Variants in MCU observed in about 807,000 individuals in gnomAD.
MCU encodes mitochondrial calcium uniporter.
In MCU, 12 loss-of-function variants were observed where a neutral mutation model predicts 45.2. The ratio of observed to expected loss-of-function variants is 0.27; its 90% CI spans 0.17 to 0.43. The LOEUF (loss-of-function observed/expected upper bound fraction) is 0.43, where lower values mean the gene tolerates loss of function less well. Ranked by LOEUF, MCU falls within the 20% of genes least tolerant of loss-of-function variation. MCU has a pLI of 1.00. For missense variants in MCU, 324 were observed against 436.7 expected (o/e 0.74, Z 2.30); for synonymous variants, 160 against 165.1 (o/e 0.97, Z 0.24).
rs145185854 is a variant in MCU at position 72,861,936 on chromosome 10, A to G, written c.496+1409A>G. On this transcript the variant is annotated intron_variant, in intron 4 of 7. Transcript: ENST00000373053. ...CCTAGCCTCTACTATGGCTCTGCAC[A>G]GTACAATGCTAAGTAGCCCTCTAAA... Among the ~76,000 whole-genome samples, 595 of 151,880 alleles carry G rather than the reference A, an allele frequency of 3.9e-3. 3 individuals are homozygous for G. Among genetic ancestry groups the G allele is most frequent in the African/African-American group, 0.014 (565 of 41,440 alleles).
At chr10:72,778,841 T>C (rs971342819) in intron 1 of MCU, among the ~76,000 whole-genome samples, 3 of 150,926 alleles carry the variant, frequency 2.0e-5, no homozygotes, top group Admixed American at 2.0e-4. Context: ...ATATGATAAA[T>C]ACTGGAAAAC....
chr10:72,873,277 C>T (rs1338911373), intron 6 of MCU, among the ~76,000 whole-genome samples: 4 of 152,022 alleles, frequency 2.6e-5, no homozygotes, highest in Non-Finnish European at 5.9e-5. Context: ...CTCGGCCTCC[C>T]AAAGTGCTGG....
intron 1 of MCU, among the ~76,000 whole-genome samples, chr10:72,798,936 C>T (rs1043123811): frequency 6.6e-6 from 1 of 151,854 alleles, no homozygotes; most frequent in Non-Finnish European, 1.5e-5. Flanking sequence ...CAACTTGATT[C>T]TTTTATTTTT....
intron 1 of MCU, among the ~76,000 whole-genome samples, chr10:72,711,729 T>A (rs1218186852): frequency 1.4e-5 from 2 of 145,756 alleles, no homozygotes; most frequent in Non-Finnish European, 3.0e-5. Context: ...TTTTTTTTTT[T>A]GAGACAGAGT....
chr10:72,837,737 G>A (rs1844974937), intron 2 of MCU, among the ~76,000 whole-genome samples: 1 of 152,108 alleles, frequency 6.6e-6, no homozygotes, highest in African/African-American at 2.4e-5. Flanking sequence ...AAAGCCTCCA[G>A]GGGTTTCCCT....
chr10:72,692,350 G>T (rs1842633626), intron 1 of MCU, 49 bp downstream of exon 1: 1 of 1,178,818 alleles, frequency 8.5e-7, no homozygotes, highest in Non-Finnish European at 1.0e-6. Flanking sequence ...CGGCGCTGGC[G>T]TGTGGGAGCC....
chr10:72,693,816 A>G (rs954967215), intron 1 of MCU, among the ~76,000 whole-genome samples: 3 of 152,192 alleles, frequency 2.0e-5, no homozygotes, highest in Non-Finnish European at 1.5e-5. Context: ...GGCCACCCCA[A>G]ATTTTGATTG....
At chr10:72,837,892 C>G (rs1179602568) in intron 2 of MCU, among the ~76,000 whole-genome samples, 2 of 146,120 alleles carry the variant, frequency 1.4e-5, no homozygotes, top group South Asian at 2.2e-4. Flanking sequence ...GAGTCTCACT[C>G]TGTCGCCAGG....
At chr10:72,869,277 G>A (rs1408166524) in intron 5 of MCU, among the ~76,000 whole-genome samples, 1 of 152,006 alleles carries the variant, frequency 6.6e-6, no homozygotes, top group African/African-American at 2.4e-5. Flanking sequence ...ATATTTGCAG[G>A]GGAAAAAAAC....
At chr10:72,865,826 G>T (rs1845445120) in intron 4 of MCU, among the ~76,000 whole-genome samples, 1 of 151,262 alleles carries the variant, frequency 6.6e-6, no homozygotes, top group Non-Finnish European at 1.5e-5. Context: ...GCCCAGGCTG[G>T]AGTGCAGTGG....
At chr10:72,804,555 A>G (rs1357001759) in intron 1 of MCU, among the ~76,000 whole-genome samples, 3 of 152,188 alleles carry the variant, frequency 2.0e-5, no homozygotes, top group Non-Finnish European at 4.4e-5. Flanking sequence ...TTTCTAATAT[A>G]ATTTCTTATA....
rs572705460 is a variant in MCU, at chr10:72,859,401, A to G, written c.391+54A>G. ...TCTATCCCTCATTTCACCCCACACCATTTCTAGACACATACATACACCACA... is the reference window on the plus strand; with the variant it reads ...TCTATCCCTCATTTCACCCCACACCGTTTCTAGACACATACATACACCACA... On this transcript the variant is annotated intron_variant, in intron 3 of 7. Coordinates refer to ENST00000373053, the MANE Select transcript of MCU (RefSeq NM_138357.3). 5 of 1,494,694 alleles carry G rather than the reference A, an allele frequency of 3.3e-6. No homozygotes were observed. The African/African-American group carries it at 4.2e-5, about 12-fold the overall frequency. The allele number at this position is 1,494,694 out of a possible 1,614,324, so 92.6% of individuals were successfully genotyped here.
intron 1 of MCU, among the ~76,000 whole-genome samples, chr10:72,783,997 T>A (rs1336143648): frequency 6.6e-6 from 1 of 152,212 alleles, no homozygotes; most frequent in Non-Finnish European, 1.5e-5. Context: ...CAATACCCAG[T>A]TACTTTACCT....
Position 72,834,292 on chromosome 10 carries a change from A to G in MCU, c.151-67A>G. On this transcript the variant is annotated intron_variant, in intron 1 of 7. Transcript: ENST00000373053. ...GTAATCATATGTATATATTTATTAT[A>G]TACACACACATAAGTATATGTTTGT... 2.6e-6 allele frequency: 3 copies of G among 1,151,286 alleles called. No homozygotes were observed. The South Asian group carries it at 4.1e-5, about 16-fold the overall frequency. The allele number at this position is 1,151,286 out of a possible 1,614,324, so 71.3% of individuals were successfully genotyped here.
At chr10:72,752,370 A>G (rs2045472215) in intron 1 of MCU, among the ~76,000 whole-genome samples, 1 of 152,004 alleles carries the variant, frequency 6.6e-6, no homozygotes, top group African/African-American at 2.4e-5. Context: ...TGCTGGGATT[A>G]CAGGCATGAG....
At chr10:72,713,629 A>G (rs1209078673) in intron 1 of MCU, among the ~76,000 whole-genome samples, 1 of 152,084 alleles carries the variant, frequency 6.6e-6, no homozygotes, top group Non-Finnish European at 1.5e-5. Flanking sequence ...GGGAGAGGAG[A>G]TAGTGGTATG....
At chr10:72,798,739 C>T (rs1258984995) in intron 1 of MCU, among the ~76,000 whole-genome samples, 18 of 152,078 alleles carry the variant, frequency 1.2e-4, no homozygotes, top group Non-Finnish European at 2.9e-5. Context: ...AAAGCCCTCT[C>T]ATTAGCAGTT....
At chr10:72,884,426 A>T (rs766264489) in intron 7 of MCU, 44 bp downstream of exon 7, 1 of 1,083,738 alleles carries the variant, frequency 9.2e-7, no homozygotes, top group South Asian at 1.3e-5. Context: ...CCTATCTTGC[A>T]TGGTTATTAT....
chr10:72,735,492 T>G (rs997982150), intron 1 of MCU, among the ~76,000 whole-genome samples: 12 of 152,206 alleles, frequency 7.9e-5, no homozygotes, highest in Non-Finnish European at 1.8e-4. Context: ...TGGGCTCTAT[T>G]AATAGAAGCA....
Sources: allele counts gnomAD v4.1 joint callset (sites outside exome capture counted in the v4.1 genomes callset), GRCh38; gene constraint gnomAD v4.1.1; transcripts MANE v1.5; gene names NCBI Gene and HGNC (gene_info 2026-07-23, HGNC 2026-07-21).